Variants in SLC35F4 observed in about 807,000 individuals in gnomAD.
SLC35F4 encodes chromosome 14 open reading frame 36.
A neutral mutation model predicts 44.2 loss-of-function variants in SLC35F4; 24 were observed. The ratio of observed to expected loss-of-function variants is 0.54; its 90% CI spans 0.39 to 0.76. The LOEUF is 0.76. Among genes scored for constraint, SLC35F4 ranks in the 30% least tolerant of loss-of-function variants. The pLI, the probability that SLC35F4 is intolerant of heterozygous loss-of-function variation, is 0.00. For missense variants in SLC35F4, 562 were observed against 586.1 expected (o/e 0.96, Z 0.42); for synonymous variants, 238 against 223.6 (o/e 1.06, Z -0.57).
intron 2 of SLC35F4, among the ~76,000 whole-genome samples, chr14:57,590,409 G>A (rs1040577388): frequency 2.0e-5 from 3 of 151,628 alleles, no homozygotes; most frequent in African/African-American, 7.3e-5. Flanking sequence ...AAATGCAACA[G>A]AGATGATTAT....
chr14:57,910,068 C>T (rs7151128), intron 1 of SLC35F4, among the ~76,000 whole-genome samples: 24,042 of 151,920 alleles, frequency 0.16, 2,222 homozygotes, highest in African/African-American at 0.24. Flanking sequence ...AACATTTTTT[C>T]GTATATTTCC....
At position 57,822,501 on chromosome 14, in the gene SLC35F4, G is replaced by T. The variant is rs544527090; in HGVS notation, c.103+43222C>A. On this transcript the variant is annotated intron_variant, in intron 1 of 7. Coordinates refer to ENST00000556826, the MANE Select transcript of SLC35F4 (RefSeq NM_001306087.2). ...TCTCTACAGTCACCTAAAAAATTCT[G>T]GTTGTTAGCCATCTGACAGTTCTTA... Among the ~76,000 whole-genome samples the T allele has an allele frequency of 2.0e-5, 3 of 152,124 alleles. No homozygotes were observed. In the South Asian group the frequency reaches 6.2e-4, roughly 32 times the overall value.
rs541072687 is a variant in SLC35F4, at chr14:57,942,892, T to C, written n.282+39021A>G. Among the ~76,000 whole-genome samples, 127 of 152,336 alleles carry C rather than the reference T, an allele frequency of 8.3e-4. 1 individual carries two copies. The highest frequency in any genetic ancestry group is 1.4e-3 in the Admixed American group (22 of 15,294). On this transcript the variant is annotated intron_variant and non_coding_transcript_variant, in intron 1 of 1. Coordinates refer to the SLC35F4 transcript ENST00000556568. ...AGTGAGACGGTTGGGGTAATTAGTG[T>C]TATCTCTATTTTTAAAATTCAGAAA...
chr14:57,569,749 T>C (rs1217468808), intron 6 of SLC35F4, 39 bp downstream of exon 6: 1 of 1,512,458 alleles, frequency 6.6e-7, no homozygotes, highest in Admixed American at 2.3e-5. Context: ...AAAGAAAGAT[T>C]GATATAGGGA....
At chr14:57,650,583 A>T (rs1432287360) in intron 1 of SLC35F4, among the ~76,000 whole-genome samples, 2 of 152,168 alleles carry the variant, frequency 1.3e-5, no homozygotes, top group Non-Finnish European at 2.9e-5. Flanking sequence ...TAATCTGCTA[A>T]TGGGTCTCTG....
At chr14:57,951,906 A>C (rs909894675) in intron 1 of SLC35F4, among the ~76,000 whole-genome samples, 1 of 152,214 alleles carries the variant, frequency 6.6e-6, no homozygotes, top group Non-Finnish European at 1.5e-5. Flanking sequence ...AGAGAGCAGC[A>C]GATCTCCCAG....
rs148893674 is a variant in SLC35F4 at position 57,694,895 on chromosome 14, T to C, written c.104-100771A>G. ...TTTCTAATATAGTAGCCTTGATAAA[T>C]TCTCATATTAATTTAAAACTCCTCT... On this transcript the variant is annotated intron_variant, in intron 1 of 7. Transcript: ENST00000556826. 6.8e-3 allele frequency among the ~76,000 whole-genome samples: 1,037 copies of C among 152,270 alleles called. 8 individuals carry two copies. Among genetic ancestry groups the C allele is most frequent in the African/African-American group, 0.023 (968 of 41,576 alleles).
chr14:57,586,635 G>A lies in SLC35F4; in HGVS notation c.587+2581C>T, dbSNP rs186762909. 3.3e-3 allele frequency among the ~76,000 whole-genome samples: 476 copies of A among 144,898 alleles called. 2 individuals are homozygous for A. The highest frequency in any genetic ancestry group is 0.019 in the Middle Eastern group (5 of 262). The stretch of plus-strand genomic sequence containing the variant: ...CAGGAGGCTAAGGCAGGAGAATGTC[G>A]TGAACCCAGGAGGTGGAGCTGGCAG... On this transcript the variant is annotated intron_variant, in intron 3 of 7. Coordinates refer to ENST00000556826, the MANE Select transcript of SLC35F4 (RefSeq NM_001306087.2).
intron 1 of SLC35F4, among the ~76,000 whole-genome samples, chr14:57,865,004 C>A (rs928230837): frequency 1.3e-5 from 2 of 151,854 alleles, no homozygotes; most frequent in Admixed American, 1.3e-4. Flanking sequence ...TGGAAGAAAG[C>A]GGTGACCGCG....
chr14:57,692,565 A>G (rs776540532), intron 1 of SLC35F4, among the ~76,000 whole-genome samples: 3 of 152,104 alleles, frequency 2.0e-5, no homozygotes, highest in Non-Finnish European at 4.4e-5. Context: ...CTATTTCAAG[A>G]GATTCCCTGG....
chr14:57,658,730 T>C (rs1021513614), intron 1 of SLC35F4, among the ~76,000 whole-genome samples: 2 of 152,166 alleles, frequency 1.3e-5, no homozygotes, highest in Admixed American at 1.3e-4. Context: ...CAGTAGGCAA[T>C]GCTCTACAGA....
chr14:57,864,953 CA>C (rs1373683953), intron 1 of SLC35F4, among the ~76,000 whole-genome samples: 2 of 152,120 alleles, frequency 1.3e-5, no homozygotes, highest in African/African-American at 4.8e-5. Flanking sequence ...AAAACTGGTC[CA>C]AAAACGTGAA....
At chr14:57,787,586 A>G (rs1325559854) in intron 1 of SLC35F4, among the ~76,000 whole-genome samples, 1 of 152,232 alleles carries the variant, frequency 6.6e-6, no homozygotes, top group Non-Finnish European at 1.5e-5. Flanking sequence ...ACAAGCTAGA[A>G]GGGATTGGGG....
intron 1 of SLC35F4, among the ~76,000 whole-genome samples, chr14:57,693,007 A>C (rs2075277762): frequency 6.6e-6 from 1 of 152,228 alleles, no homozygotes; most frequent in Non-Finnish European, 1.5e-5. Context: ...AAACATGACA[A>C]AAATTAAAAA....
intron 1 of SLC35F4, among the ~76,000 whole-genome samples, chr14:57,862,612 G>A (rs987405372): frequency 3.9e-4 from 59 of 152,220 alleles, no homozygotes; most frequent in African/African-American, 1.3e-3. Context: ...TCAGATCTTT[G>A]CGCTAGCTAT....
chr14:57,616,365 G>C lies in SLC35F4; in HGVS notation c.104-22241C>G, dbSNP rs1473284169. On this transcript the variant is annotated intron_variant, in intron 1 of 7. Coordinates refer to ENST00000556826, the MANE Select transcript of SLC35F4 (RefSeq NM_001306087.2). ...AGCATTGGCTAGTTTGATGTCAAAT[G>C]TGCTACAAGGTTTATATATTAAACT... is the stretch of plus-strand genomic sequence containing the variant. Among the ~76,000 whole-genome samples the C allele has an allele frequency of 2.4e-4, 36 of 152,186 alleles. 1 individual carries two copies.
chr14:57,642,095 CTTATT>C (rs2073271595), intron 1 of SLC35F4, among the ~76,000 whole-genome samples: 1 of 151,942 alleles, frequency 6.6e-6, no homozygotes, highest in Non-Finnish European at 1.5e-5. Flanking sequence ...GTTTAATTGC[CTTATT>C]TTATTACTTT....
At chr14:57,708,827 C>A (rs1244993215) in intron 1 of SLC35F4, among the ~76,000 whole-genome samples, 1 of 152,016 alleles carries the variant, frequency 6.6e-6, no homozygotes, top group African/African-American at 2.4e-5. Context: ...TGTGAGCCAT[C>A]TCCAATGATA....
intron 6 of SLC35F4, among the ~76,000 whole-genome samples, chr14:57,569,357 T>C (rs1365772247): frequency 6.6e-6 from 1 of 152,128 alleles, no homozygotes; most frequent in Non-Finnish European, 1.5e-5. Context: ...TCTCCCTCCC[T>C]CCCTTCCTTC....
Sources: gnomAD v4.1 joint callset for allele counts (sites outside exome capture counted in the v4.1 genomes callset) on GRCh38, gnomAD v4.1.1 for gene constraint, MANE v1.5 for transcripts, NCBI Gene and HGNC (gene_info 2026-07-23, HGNC 2026-07-21) for gene names.